The following ATP7B variants were observed in gnomAD, a reference collection of about 807,000 sequenced individuals.
The protein encoded by ATP7B is ATPase copper transporting beta.
In ATP7B, 113 loss-of-function variants were observed where a neutral mutation model predicts 118.9. The ratio of observed to expected loss-of-function variants is 0.95; its 90% CI spans 0.82 to 1.11. The LOEUF (loss-of-function observed/expected upper bound fraction) is 1.11. ATP7B is among the 50% of genes most tolerant of loss of function. The probability of loss-of-function intolerance (pLI) is 0.00; values close to 1 mark genes in which losing one functional copy is unlikely to be tolerated. For synonymous variants in ATP7B, 777 were observed against 727.4 expected, an observed-to-expected ratio of 1.07 and a Z score of -1.10; for missense variants, 1,867 against 1,871.4, an observed-to-expected ratio of 1.00 and a Z score of 0.04.
intron 1 of ATP7B, chr13:51,975,584 T>C (rs769614899): frequency 1.9e-6 from 1 of 514,642 alleles, no homozygotes; most frequent in Non-Finnish European, 3.9e-6. Flanking sequence ...CCACAGAACT[T>C]AGTCCTTTCA....
intron 5 of ATP7B, among the ~76,000 whole-genome samples, chr13:51,962,866 T>C (rs891280652): frequency 2.6e-5 from 4 of 151,944 alleles, no homozygotes; most frequent in Admixed American, 2.6e-4. Context: ...CCGAGGCAGG[T>C]GGATCACCTG....
rs116947713 is a variant in ATP7B, at chr13:51,958,702, C to T, written c.2122-158G>A. ...GATGGGCGTTTATGAAATATACTTT[C>T]CCATTCAGAGGACTACTGTCCACAG... On this transcript the variant is annotated intron_variant, in intron 7 of 20. Transcript: ENST00000242839. The T allele has an allele frequency of 0.013, 8,982 of 706,004 alleles. 72 individuals are homozygous for T. Among genetic ancestry groups the T allele is most frequent in the Non-Finnish European group, 0.016 (6,517 of 394,988 alleles). 43.7% of individuals were successfully genotyped at this position (706,004 alleles called of 1,614,324 possible). A position where few individuals can be genotyped will look rare whatever the true frequency, so the allele number is the denominator to read the frequency against.
chr13:51,967,299 A>G, intron 4 of ATP7B: 1 of 694,560 alleles, frequency 1.4e-6, no homozygotes, highest in Non-Finnish European at 2.4e-6. Context: ...GTTATTTCAA[A>G]GTGTGTTGGA....
chr13:51,937,139 GAA>G lies in ATP7B; in HGVS notation c.4021+135_4021+136del, dbSNP rs57778802. 270,687 of 665,688 alleles carry G rather than the reference GAA, an allele frequency of 0.41. 22,676 individuals carry two copies. Among genetic ancestry groups the G allele is most frequent in the Admixed American group, 0.48 (17,963 of 37,606 alleles). 41.2% of individuals were successfully genotyped at this position (665,688 alleles called of 1,614,324 possible). A position where few individuals can be genotyped will look rare whatever the true frequency, so the allele number is the denominator to read the frequency against. ...TAAAGACATATAAAGCAGGGGACAT[GAA>G]AAAAAAAAAAAAACAGCCTTTCTAA... On this transcript the variant is annotated intron_variant, in intron 19 of 20. Transcript: ENST00000242839.
intron 15 of ATP7B, among the ~76,000 whole-genome samples, chr13:51,941,558 G>A (rs1028815766): frequency 6.6e-6 from 1 of 152,098 alleles, no homozygotes; most frequent in Non-Finnish European, 1.5e-5. Context: ...TCAGGTATTT[G>A]CCCAGCACAC....
At chr13:51,965,901 C>T (rs545098526) in intron 4 of ATP7B, among the ~76,000 whole-genome samples, 1 of 152,140 alleles carries the variant, frequency 6.6e-6, no homozygotes, top group South Asian at 2.1e-4. Flanking sequence ...AGAATAAATA[C>T]AAAAAGAGCC....
chr13:51,938,846 A>G (rs1349982619), intron 17 of ATP7B, among the ~76,000 whole-genome samples: 2 of 152,206 alleles, frequency 1.3e-5, no homozygotes, highest in Non-Finnish European at 2.9e-5. Flanking sequence ...GCATGCGCCC[A>G]AGCTCCAGGG....
chr13:51,959,121 AG>A (rs1958559944), intron 7 of ATP7B: 1 of 160,644 alleles, frequency 6.2e-6, no homozygotes, highest in Non-Finnish European at 1.4e-5. Flanking sequence ...ATTGGGCGGG[AG>A]GCAGAATGTG....
At chr13:51,951,475 T>C (rs1328218303) in intron 9 of ATP7B, among the ~76,000 whole-genome samples, 2 of 152,116 alleles carry the variant, frequency 1.3e-5, no homozygotes, top group African/African-American at 2.4e-5. Context: ...GCTGAAAATA[T>C]GAGTCTGAAG....
chr13:52,006,313 T>C (rs1953769428), intron 1 of ATP7B, among the ~76,000 whole-genome samples: 1 of 152,168 alleles, frequency 6.6e-6, no homozygotes, highest in African/African-American at 2.4e-5. Flanking sequence ...AAAATGTGTG[T>C]CACGTAAAGA....
In ATP7B at chr13:51,961,834, T is replaced by G; in HGVS notation, c.1946+3A>C. 1 of 1,613,152 alleles carries G rather than the reference T, an allele frequency of 6.2e-7. No individual in the cohort carries two copies. Among genetic ancestry groups the G allele is most frequent in the African/African-American group, 1.3e-5 (1 of 75,018 alleles). On this transcript the variant is annotated splice_donor_region_variant and intron_variant, in intron 6 of 20. Transcript: ENST00000242839. ...TGGAGTTTATCTTTTGTGTTCTACC[T>G]ACTGCTTTATTTCCATCTTGTGGTC...
intron 1 of ATP7B, among the ~76,000 whole-genome samples, chr13:52,003,090 C>T (rs992928175): frequency 3.3e-5 from 5 of 152,200 alleles, no homozygotes; most frequent in Non-Finnish European, 7.3e-5. Flanking sequence ...TATCATTTAT[C>T]TGTTCACTAG....
intron 12 of ATP7B, among the ~76,000 whole-genome samples, chr13:51,948,427 A>C (rs911134047): frequency 3.3e-5 from 5 of 152,072 alleles, no homozygotes; most frequent in African/African-American, 1.2e-4. Context: ...TTCTCATTCT[A>C]TGGCTCTATG....
At chr13:51,971,552 TGAAA>T (rs1951844041) in intron 2 of ATP7B, among the ~76,000 whole-genome samples, 1 of 152,248 alleles carries the variant, frequency 6.6e-6, no homozygotes, top group Non-Finnish European at 1.5e-5. Flanking sequence ...ATTGCACGGT[TGAAA>T]GACTTTAAAC....
In ATP7B at chr13:51,934,603, G is replaced by C. The variant is rs563069856; in HGVS notation, c.*153C>G. ...CCAAGCCCAGCTGCACCCAGACAAGGCCGCGTGCTGCAGGGCAGGATGACT... is the reference window on the plus strand; with the variant it reads ...CCAAGCCCAGCTGCACCCAGACAAGCCCGCGTGCTGCAGGGCAGGATGACT... On this transcript the variant is annotated 3_prime_UTR_variant, in exon 21 of 21. Coordinates refer to ENST00000242839, the MANE Select transcript of ATP7B (RefSeq NM_000053.4). 1 of 1,271,046 alleles carries C rather than the reference G, an allele frequency of 7.9e-7. No individual in the cohort carries two copies. Among genetic ancestry groups the C allele is most frequent in the Non-Finnish European group, 1.1e-6 (1 of 913,390 alleles). 78.7% of individuals were successfully genotyped at this position (1,271,046 alleles called of 1,614,324 possible).
chr13:51,942,721 G>A (rs1012710284), intron 14 of ATP7B, among the ~76,000 whole-genome samples, 167 bp from the exon 15 acceptor site: 1 of 152,192 alleles, frequency 6.6e-6, no homozygotes, highest in Non-Finnish European at 1.5e-5. Context: ...GAAAGGTTAA[G>A]ATAGTGACTA....
intron 16 of ATP7B, among the ~76,000 whole-genome samples, chr13:51,939,486 C>T (rs984111896): frequency 6.6e-6 from 1 of 152,170 alleles, no homozygotes; most frequent in South Asian, 2.1e-4. Flanking sequence ...GCAAGGAGCA[C>T]GTATGACACT....
rs778749563 is a variant in ATP7B, at chr13:51,941,211, C to G, written c.3426G>C (p.Gln1142His). 5 of 1,613,976 alleles carry G rather than the reference C, an allele frequency of 3.1e-6. No homozygotes were observed. In the East Asian group the frequency reaches 1.1e-4, roughly 36 times the overall value. ...GGTTTCCAATCAGCACAGAGAAGGT[C>G]TGGGGGACTGCATCTATTCAAAAGA... ...SLPAEKDAVP[Q>H]TFSVLIGNRE... Residue 1142 changes from glutamine (Q) to histidine (H), a missense_variant, in exon 16 of 21, where the codon CAG (glutamine) becomes CAC (histidine). Gln to His is a conservative substitution (Grantham distance 24). Transcript: ENST00000242839.
rs1952014888 is a variant in ATP7B at position 51,974,636 on chromosome 13, T to TCGGGCTGAATGA, written c.572_583dup (p.Pro194_Glu195insValIleGlnPro). The TCGGGCTGAATGA allele has an allele frequency of 6.2e-7, 1 of 1,612,372 alleles. No individual in the cohort carries two copies. The highest frequency in any genetic ancestry group is 1.3e-5 in the African/African-American group (1 of 74,778). On this transcript the variant is annotated inframe_insertion, in exon 2 of 21. Coordinates refer to ENST00000242839, the MANE Select transcript of ATP7B (RefSeq NM_000053.4). ...GTCATTTACATGGTCCCTGAGGTCT[T>TCGGGCTGAATGA]CGGGCTGAATGAGATAAGGCTGATA... is the stretch of plus-strand genomic sequence containing the variant.
Sources: allele counts gnomAD v4.1 joint callset (sites outside exome capture counted in the v4.1 genomes callset), GRCh38; gene constraint gnomAD v4.1.1; transcripts MANE v1.5; gene names NCBI Gene and HGNC (gene_info 2026-07-23, HGNC 2026-07-21).